EML5: variants seen among roughly 807,000 people sequenced by gnomAD.
EML5 encodes EMAP like 5.
In EML5, 120 loss-of-function variants were observed where a neutral mutation model predicts 250.0. The ratio of observed to expected loss-of-function variants is 0.48; its 90% CI spans 0.41 to 0.56. The LOEUF is 0.56. EML5 is among the 20% of genes least tolerant of loss of function. The probability of loss-of-function intolerance (pLI) is 0.00; values close to 1 mark genes in which losing one functional copy is unlikely to be tolerated. For missense variants in EML5, 2,006 were observed against 2,437.6 expected, an observed-to-expected ratio of 0.82 and a Z score of 3.73; for synonymous variants, 771 against 806.5, an observed-to-expected ratio of 0.96 and a Z score of 0.75.
Position 88,665,481 on chromosome 14 carries a change from A to G in EML5, c.3133T>C (p.Cys1045Arg). 6.2e-7 allele frequency: 1 copy of G among 1,613,468 alleles called. No individual in the cohort carries two copies. Among genetic ancestry groups the G allele is most frequent in the Non-Finnish European group, 8.5e-7 (1 of 1,179,782 alleles). The change falls in exon 22 of 44, where the codon TGT becomes CGT. Residue 1045 changes from cysteine to arginine, a missense_variant. Around this residue, in one of 7 missense-constraint regions of EML5, gnomAD observed 1,375 missense variants for 1,590.3 expected, o/e 0.86. Coordinates refer to ENST00000554922, the MANE Select transcript of EML5 (RefSeq NM_183387.3). ...AVRKLKKGGR[C>R]CCFSPDGKAL... ...TTACCATCAGGAGAAAAACAGCAACACCTCCCACCTGAAAGAGAAAGAGCA... is the reference window on the plus strand; with the variant it reads ...TTACCATCAGGAGAAAAACAGCAACGCCTCCCACCTGAAAGAGAAAGAGCA...
chr14:88,691,617 T>C (rs2092961291), intron 17 of EML5, among the ~76,000 whole-genome samples: 1 of 152,104 alleles, frequency 6.6e-6, no homozygotes, highest in Non-Finnish European at 1.5e-5. Flanking sequence ...GATTAATAAA[T>C]CATAACTTGA....
intron 36 of EML5, chr14:88,623,523 C>T (rs1406050070): frequency 3.9e-5 from 6 of 152,074 alleles, no homozygotes; most frequent in African/African-American, 1.2e-4. Flanking sequence ...CAGGTTCAAG[C>T]GATTCTTCTC....
chr14:88,754,707 A>G, intron 1 of EML5, 36 bp from the exon 2 acceptor site: 1 of 1,532,192 alleles, frequency 6.5e-7, no homozygotes, highest in Non-Finnish European at 8.8e-7. Flanking sequence ...AGTATTATTA[A>G]AAATTGCTTA....
chr14:88,766,713 C>G (rs1179226921), intron 1 of EML5, among the ~76,000 whole-genome samples: 1 of 152,134 alleles, frequency 6.6e-6, no homozygotes, highest in Non-Finnish European at 1.5e-5. Context: ...TTCGTACACT[C>G]CCTCCCCTTT....
chr14:88,623,438 T>G (rs1221738852), intron 36 of EML5: 1 of 152,146 alleles, frequency 6.6e-6, no homozygotes, highest in African/African-American at 2.4e-5. Context: ...TTTATTTTTT[T>G]GAGACAGAGT....
Position 88,654,243 on chromosome 14 carries a change from C to T in EML5, c.4004+3133G>A, listed in dbSNP as rs2091770589. Among the ~76,000 whole-genome samples the T allele has an allele frequency of 2.0e-5, 3 of 152,086 alleles. No individual in the cohort carries two copies. In the South Asian group the frequency reaches 6.2e-4, roughly 32 times the overall value. On this transcript the variant is annotated intron_variant, in intron 27 of 43. Coordinates refer to ENST00000554922, the MANE Select transcript of EML5 (RefSeq NM_183387.3). ...TTTTCAAAAAACCAGCTCCTGGATTCACTGATTTTTTGAAGGGTTTTTTGT... is the reference window on the plus strand; with the variant it reads ...TTTTCAAAAAACCAGCTCCTGGATTTACTGATTTTTTGAAGGGTTTTTTGT...
chr14:88,652,033 ATT>A (rs1200386509), intron 27 of EML5, among the ~76,000 whole-genome samples: 2 of 152,116 alleles, frequency 1.3e-5, no homozygotes, highest in South Asian at 2.1e-4. Flanking sequence ...AAAAATGAGT[ATT>A]TTACCCATTT....
intron 31 of EML5, among the ~76,000 whole-genome samples, chr14:88,640,281 C>T (rs1473817952): frequency 6.6e-6 from 1 of 152,138 alleles, no homozygotes; most frequent in East Asian, 1.9e-4. Context: ...GAAACATACT[C>T]TAAGATTGAC....
chr14:88,646,159 C>G lies in EML5; in HGVS notation c.4028+788G>C, dbSNP rs143763740. On this transcript the variant is annotated intron_variant, in intron 29 of 43. Coordinates refer to ENST00000554922, the MANE Select transcript of EML5 (RefSeq NM_183387.3). ...TATAAAAGACTCCAACATTTATGAA[C>G]AAGTCTCATAAAATTAAAGGCATAA... is the stretch of plus-strand genomic sequence containing the variant. 8.1e-3 allele frequency among the ~76,000 whole-genome samples: 1,227 copies of G among 152,072 alleles called. 9 individuals carry two copies. Among genetic ancestry groups the G allele is most frequent in the Middle Eastern group, 0.027 (8 of 294 alleles).
At chr14:88,719,219 T>C (rs1000868641) in intron 8 of EML5, among the ~76,000 whole-genome samples, 3 of 151,944 alleles carry the variant, frequency 2.0e-5, no homozygotes, top group African/African-American at 7.3e-5. Flanking sequence ...ACCACATCTC[T>C]ACAAAAAATT....
intron 12 of EML5, 64 bp downstream of exon 12, chr14:88,705,418 C>T (rs1184938067): frequency 8.5e-6 from 10 of 1,170,626 alleles, no homozygotes; most frequent in Non-Finnish European, 1.0e-5. Context: ...AGATGACTAA[C>T]GGGGAGCAAG....
rs757376086 is a variant in EML5, at chr14:88,746,210, G to A, written c.431C>T (p.Ser144Phe). Reference sequence around the variant, plus strand: ...TCTATCTGTATGACCAGGAGCCATAGACAACATTTTTCCCCTTTTCCAGTC... The same window carrying A: ...TCTATCTGTATGACCAGGAGCCATAAACAACATTTTTCCCCTTTTCCAGTC... ...VWDWKRGKML[S>F]MAPGHTDRIF... The change falls in exon 3 of 44, where the codon TCT (serine) becomes TTT (phenylalanine). Residue 144 changes from serine to phenylalanine, a missense_variant. By Grantham distance (155) the Ser-to-Phe change is radical. Transcript: ENST00000554922. 3 of 1,613,216 alleles carry A rather than the reference G, an allele frequency of 1.9e-6. No homozygotes were observed. In the South Asian group the frequency reaches 3.3e-5, roughly 18 times the overall value.
intron 8 of EML5, 45 bp from the exon 9 acceptor site, chr14:88,715,240 C>T (rs1450924677): frequency 2.0e-6 from 3 of 1,517,358 alleles, no homozygotes; most frequent in Non-Finnish European, 2.6e-6. Flanking sequence ...GAAGTCACAA[C>T]AGAATTAATG....
At position 88,726,620 on chromosome 14, in the gene EML5, G is replaced by C; in HGVS notation, c.1108C>G (p.Arg370Gly). Residue 370 changes from arginine to glycine, a missense_variant, in exon 8 of 44, where the codon CGT becomes GGT. By Grantham distance (125) the Arg-to-Gly change is moderately radical (BLOSUM62 -2). This residue lies in a region of EML5 where 1,375 missense variants were observed against 1,590.3 expected (regional missense o/e 0.86). Transcript: ENST00000554922. ...IARCNMEEPI[R>G]CAAVNADGIH... is the part of the protein sequence containing the mutation. ...CCATCTGCATTGACAGCTGCACAACGAATTGGTTCTTCCATATTACACCTT... is the reference window on the plus strand; with the variant it reads ...CCATCTGCATTGACAGCTGCACAACCAATTGGTTCTTCCATATTACACCTT... 1 of 1,581,240 alleles carries C rather than the reference G, an allele frequency of 6.3e-7. No homozygotes were observed. The highest frequency in any genetic ancestry group is 8.6e-7 in the Non-Finnish European group (1 of 1,162,026).
In EML5 at chr14:88,616,875, G is replaced by T. The variant is rs1389457403; in HGVS notation, c.5647C>A (p.Leu1883Ile). The T allele has an allele frequency of 1.9e-6, 3 of 1,613,360 alleles. No individual in the cohort carries two copies. The highest frequency in any genetic ancestry group is 2.7e-5 in the African/African-American group (2 of 74,998). Reference protein sequence around the residue: ...RITWATWTSILGDEVLGIWSR... With the variant: ...RITWATWTSIIGDEVLGIWSR... ...CAGATTCCCAAAACCTCATCTCCTA[G>T]AATACTAGAGGGAAGGAACAAAAGA... The change falls in exon 42 of 44, where the codon CTA (leucine) becomes ATA (isoleucine). Residue 1883 changes from leucine to isoleucine, a missense_variant. Leu to Ile is a conservative substitution (Grantham distance 5). Transcript: ENST00000554922.
In EML5 at chr14:88,615,785, C is replaced by CA. The variant is rs747348618; in HGVS notation, c.*32dup. On this transcript the variant is annotated 3_prime_UTR_variant, in exon 44 of 44. Transcript: ENST00000554922. ...TTTTTCTTCTCTGTAATTCTGGTCTCAAAGTTAATTTCTGTAGTCATCTCA... is the reference window on the plus strand; with the variant it reads ...TTTTTCTTCTCTGTAATTCTGGTCTCAAAAGTTAATTTCTGTAGTCATCTCA... The CA allele has an allele frequency of 2.5e-6, 4 of 1,602,650 alleles. No individual in the cohort carries two copies. The highest frequency in any genetic ancestry group is 3.4e-5 in the Admixed American group (2 of 58,404).
At chr14:88,616,035 C>T in intron 43 of EML5, 107 bp downstream of exon 43, 1 of 1,315,272 alleles carries the variant, frequency 7.6e-7, no homozygotes, top group Non-Finnish European at 1.1e-6. Flanking sequence ...CTACCTTCTA[C>T]TAATGTTGAC....
At chr14:88,646,257 C>T (rs2091342197) in intron 29 of EML5, among the ~76,000 whole-genome samples, 1 of 152,082 alleles carries the variant, frequency 6.6e-6, no homozygotes, top group Non-Finnish European at 1.5e-5. Context: ...TCTTAAACAT[C>T]CAATAAGAAA....
chr14:88,758,646 G>A (rs187666783), intron 1 of EML5, among the ~76,000 whole-genome samples: 63 of 152,310 alleles, frequency 4.1e-4, no homozygotes, highest in Non-Finnish European at 7.2e-4. Context: ...CAAAGTTACC[G>A]TATGATCCAG....
Sources: gnomAD v4.1 joint callset for allele counts (sites outside exome capture counted in the v4.1 genomes callset) on GRCh38, gnomAD v4.1.1 for gene constraint, gnomAD v4.1.1 regional missense constraint, MANE v1.5 for transcripts, NCBI Gene and HGNC (gene_info 2026-07-23, HGNC 2026-07-21) for gene names.